The following GALNTL6 variants were observed in gnomAD, a reference collection of about 807,000 sequenced individuals.
GALNTL6 encodes polypeptide N-acetylgalactosaminyltransferase-like 6.
A neutral mutation model predicts 73.7 loss-of-function variants in GALNTL6; 46 were observed. The observed-to-expected ratio is 0.62, with a 90% confidence interval of 0.49 to 0.80. The LOEUF (loss-of-function observed/expected upper bound fraction) is 0.80, where lower values mean the gene tolerates loss of function less well. GALNTL6 is among the 30% of genes least tolerant of loss of function. GALNTL6 has a pLI of 0.00. For missense variants in GALNTL6, 604 were observed against 755.0 expected, an observed-to-expected ratio of 0.80 and a Z score of 2.34; for synonymous variants, 259 against 263.7, an observed-to-expected ratio of 0.98 and a Z score of 0.17.
intron 2 of GALNTL6, among the ~76,000 whole-genome samples, chr4:171,911,770 T>C (rs1156231315): frequency 6.6e-6 from 1 of 152,190 alleles, no homozygotes; most frequent in East Asian, 1.9e-4. Flanking sequence ...GGGCATCCTA[T>C]TTAAATTTAT....
intron 5 of GALNTL6, among the ~76,000 whole-genome samples, chr4:172,351,059 G>A (rs74981009): frequency 1.1e-3 from 162 of 152,200 alleles, no homozygotes; most frequent in Non-Finnish European, 2.0e-3. Flanking sequence ...TCATGGGAGA[G>A]CGATTGCTCT....
At chr4:172,107,739 A>G (rs954338057) in intron 2 of GALNTL6, among the ~76,000 whole-genome samples, 2 of 151,144 alleles carry the variant, frequency 1.3e-5, no homozygotes, top group Non-Finnish European at 2.9e-5. Context: ...TGACGAGTTA[A>G]TGGGTGCAGC....
At chr4:172,783,423 A>G (rs1417942666) in intron 5 of GALNTL6, among the ~76,000 whole-genome samples, 1 of 147,720 alleles carries the variant, frequency 6.8e-6, no homozygotes, top group African/African-American at 2.5e-5. Flanking sequence ...TAATAATAAT[A>G]TATACTATTT....
chr4:172,714,522 T>C (rs999407916), intron 5 of GALNTL6, among the ~76,000 whole-genome samples: 2 of 152,154 alleles, frequency 1.3e-5, no homozygotes, highest in African/African-American at 4.8e-5. Context: ...TGAACATGTA[T>C]TGCACTCTAA....
chr4:172,834,113 A>T (rs1213663556), intron 7 of GALNTL6, among the ~76,000 whole-genome samples: 1 of 152,148 alleles, frequency 6.6e-6, no homozygotes, highest in African/African-American at 2.4e-5. Context: ...GGGAAACTCC[A>T]TCTCAAAAAC....
intron 5 of GALNTL6, among the ~76,000 whole-genome samples, chr4:172,739,254 A>C (rs1015544552): frequency 5.9e-5 from 9 of 152,172 alleles, no homozygotes; most frequent in African/African-American, 2.2e-4. Context: ...GAGATTGTGG[A>C]TGACTATTTT....
chr4:172,369,888 C>T (rs901758867), intron 5 of GALNTL6, among the ~76,000 whole-genome samples: 6 of 152,316 alleles, frequency 3.9e-5, no homozygotes, highest in Admixed American at 6.5e-5. Context: ...GAGCTGGCTC[C>T]GGCCTCGGCC....
chr4:172,311,806 T>A (rs996662911), intron 4 of GALNTL6, 54 bp downstream of exon 4: 7 of 1,296,726 alleles, frequency 5.4e-6, no homozygotes, highest in Non-Finnish European at 7.2e-6. Context: ...TTTTTTGTCC[T>A]TTGATTTTTT....
At chr4:172,648,558 T>C (rs1318881428) in intron 5 of GALNTL6, among the ~76,000 whole-genome samples, 1 of 152,106 alleles carries the variant, frequency 6.6e-6, no homozygotes, top group African/African-American at 2.4e-5. Context: ...GACTCATAAA[T>C]GGAAGAAACA....
chr4:171,903,836 C>G (rs1737187409), intron 2 of GALNTL6, among the ~76,000 whole-genome samples: 2 of 152,114 alleles, frequency 1.3e-5, no homozygotes, highest in Non-Finnish European at 2.9e-5. Flanking sequence ...GTCCCTGACC[C>G]CTGACCCCTG....
At chr4:172,371,549 C>T (rs904910273) in intron 5 of GALNTL6, among the ~76,000 whole-genome samples, 15 of 151,946 alleles carry the variant, frequency 9.9e-5, no homozygotes, top group Admixed American at 9.8e-4. Flanking sequence ...TCTTTGACTT[C>T]TTTGTCTCTC....
intron 4 of GALNTL6, among the ~76,000 whole-genome samples, chr4:172,334,679 A>C (rs1605589): frequency 6.6e-5 from 10 of 151,896 alleles, no homozygotes. Context: ...GAAGAAAAAA[A>C]ATTTGATTTT....
chr4:172,577,722 G>A (rs1737011910), intron 5 of GALNTL6, among the ~76,000 whole-genome samples: 1 of 152,060 alleles, frequency 6.6e-6, no homozygotes, highest in South Asian at 2.1e-4. Context: ...TTTCTCTGCT[G>A]GTCTCAATTC....
At chr4:172,057,754 AT>A (rs1560904300) in intron 2 of GALNTL6, among the ~76,000 whole-genome samples, 24 of 142,420 alleles carry the variant, frequency 1.7e-4, no homozygotes, top group Admixed American at 5.0e-4. Flanking sequence ...ATATATATAT[AT>A]ATAAATCAAG....
At chr4:172,480,642 G>C (rs1189673919) in intron 5 of GALNTL6, among the ~76,000 whole-genome samples, 1 of 152,158 alleles carries the variant, frequency 6.6e-6, no homozygotes, top group East Asian at 1.9e-4. Flanking sequence ...AAATCCAGTG[G>C]CTTAAAATAG....
chr4:172,457,478 C>T (rs1732441148), intron 5 of GALNTL6, among the ~76,000 whole-genome samples: 2 of 152,106 alleles, frequency 1.3e-5, no homozygotes, highest in South Asian at 2.1e-4. Context: ...ATCTCACGTG[C>T]AAAGACATAC....
intron 5 of GALNTL6, among the ~76,000 whole-genome samples, chr4:172,488,185 T>C (rs1733765254): frequency 1.3e-5 from 2 of 152,172 alleles, no homozygotes; most frequent in East Asian, 1.9e-4. Context: ...ATGAACTCAT[T>C]GTGCCTTGTT....
intron 5 of GALNTL6, among the ~76,000 whole-genome samples, chr4:172,796,590 A>G (rs1265712714): frequency 1.3e-5 from 2 of 152,072 alleles, no homozygotes; most frequent in Non-Finnish European, 2.9e-5. Flanking sequence ...TCCCCTTAAT[A>G]CTTTCTTTTA....
rs199683146 is a variant in GALNTL6, at chr4:172,450,145, A to T, written c.553+101456A>T. On this transcript the variant is annotated intron_variant, in intron 5 of 12. Coordinates refer to ENST00000506823, the MANE Select transcript of GALNTL6 (RefSeq NM_001034845.3). ...GGCAGGAGAATTGCTTGAACCCGGG[A>T]GGCAGAGGTTGCAGTGAGCCAAGAT... Among the ~76,000 whole-genome samples the T allele has an allele frequency of 4.6e-5, 7 of 151,244 alleles. No individual in the cohort carries two copies. In the East Asian group the frequency reaches 1.4e-3, roughly 30 times the overall value.
Sources: gnomAD v4.1 joint callset for allele counts (sites outside exome capture counted in the v4.1 genomes callset) on GRCh38, gnomAD v4.1.1 for gene constraint, MANE v1.5 for transcripts, NCBI Gene and HGNC (gene_info 2026-07-23, HGNC 2026-07-21) for gene names.